GALNTL6: variants seen among roughly 807,000 people sequenced by gnomAD.
GALNTL6 encodes the protein polypeptide N-acetylgalactosaminyltransferase like 6.
GALNTL6 carries 46 observed loss-of-function variants against 73.7 expected under a neutral mutation model. The observed-to-expected ratio is 0.62, with a 90% confidence interval of 0.49 to 0.80. The LOEUF (loss-of-function observed/expected upper bound fraction) is 0.80. Among genes scored for constraint, GALNTL6 ranks in the 30% least tolerant of loss-of-function variants. GALNTL6 has a pLI of 0.00. For missense variants in GALNTL6, 604 were observed against 755.0 expected (o/e 0.80, Z 2.34); for synonymous variants, 259 against 263.7 (o/e 0.98, Z 0.17).
intron 5 of GALNTL6, among the ~76,000 whole-genome samples, chr4:172,590,596 A>G (rs1446247105): frequency 1.3e-5 from 2 of 152,198 alleles, no homozygotes; most frequent in African/African-American, 4.8e-5. Context: ...CAGAATGAAC[A>G]TAGTATAATT....
At chr4:172,917,424 T>A (rs1163467283) in intron 8 of GALNTL6, among the ~76,000 whole-genome samples, 1 of 152,170 alleles carries the variant, frequency 6.6e-6, no homozygotes, top group Non-Finnish European at 1.5e-5. Context: ...AAAGAGCTTC[T>A]GCACAGCAAA....
At chr4:171,963,429 G>C (rs1479239121) in intron 2 of GALNTL6, among the ~76,000 whole-genome samples, 1 of 151,782 alleles carries the variant, frequency 6.6e-6, no homozygotes, top group Non-Finnish European at 1.5e-5. Context: ...TATTTAAAGA[G>C]TGGAATTTGC....
chr4:172,576,484 A>G (rs1736960088), intron 5 of GALNTL6, among the ~76,000 whole-genome samples: 1 of 152,210 alleles, frequency 6.6e-6, no homozygotes, highest in South Asian at 2.1e-4. Flanking sequence ...ATGGTAATGA[A>G]TAGTACAGTG....
intron 3 of GALNTL6, among the ~76,000 whole-genome samples, chr4:172,298,283 A>G (rs1449283941): frequency 1.3e-5 from 2 of 152,162 alleles, no homozygotes; most frequent in African/African-American, 4.8e-5. Flanking sequence ...TAGATATACA[A>G]TCATGTCATC....
At chr4:172,206,585 A>T (rs947824266) in intron 2 of GALNTL6, among the ~76,000 whole-genome samples, 4 of 152,102 alleles carry the variant, frequency 2.6e-5, no homozygotes, top group Non-Finnish European at 5.9e-5. Context: ...GAGGGCACCT[A>T]CTTTGGAGAA....
At chr4:172,865,537 A>C (rs748183144) in intron 7 of GALNTL6, among the ~76,000 whole-genome samples, 2 of 152,248 alleles carry the variant, frequency 1.3e-5, no homozygotes, top group Non-Finnish European at 2.9e-5. Context: ...AGATAATATT[A>C]GACGTTTGAT....
intron 5 of GALNTL6, among the ~76,000 whole-genome samples, chr4:172,366,971 C>T (rs899528522): frequency 6.6e-6 from 1 of 152,134 alleles, no homozygotes; most frequent in Non-Finnish European, 1.5e-5. Flanking sequence ...GTGGTTTCCA[C>T]CAAGGAATTA....
intron 7 of GALNTL6, among the ~76,000 whole-genome samples, chr4:172,819,724 G>A (rs1741816172): frequency 6.6e-6 from 1 of 152,182 alleles, no homozygotes. Flanking sequence ...TTACAAATGA[G>A]ATGATTCAGG....
At chr4:172,745,303 A>G (rs1054700829) in intron 5 of GALNTL6, among the ~76,000 whole-genome samples, 2 of 151,936 alleles carry the variant, frequency 1.3e-5, no homozygotes, top group Non-Finnish European at 2.9e-5. Context: ...TGTGGGATAT[A>G]GAGAAATGAA....
intron 2 of GALNTL6, among the ~76,000 whole-genome samples, chr4:172,177,780 TACAC>T (rs1375969202): frequency 3.6e-5 from 5 of 137,944 alleles, no homozygotes; most frequent in South Asian, 2.2e-4. Context: ...TACACATATA[TACAC>T]ATGTGTATAT....
At chr4:172,734,582 C>T (rs960072218) in intron 5 of GALNTL6, among the ~76,000 whole-genome samples, 6 of 152,182 alleles carry the variant, frequency 3.9e-5, no homozygotes, top group African/African-American at 1.4e-4. Flanking sequence ...CACACTGCCG[C>T]AAGAGGTGGG....
intron 7 of GALNTL6, among the ~76,000 whole-genome samples, chr4:172,846,907 A>G (rs1003733864): frequency 2.6e-5 from 4 of 152,110 alleles, no homozygotes; most frequent in South Asian, 2.1e-4. Flanking sequence ...ATTCTGTCAT[A>G]CAATATATCA....
intron 5 of GALNTL6, among the ~76,000 whole-genome samples, chr4:172,521,312 T>C (rs1734766163): frequency 6.6e-6 from 1 of 152,092 alleles, no homozygotes; most frequent in Admixed American, 6.6e-5. Flanking sequence ...GACAGAAAAA[T>C]TCTTCTGACA....
chr4:172,095,709 T>C (rs1414125385), intron 2 of GALNTL6, among the ~76,000 whole-genome samples: 1 of 152,148 alleles, frequency 6.6e-6, no homozygotes, highest in Non-Finnish European at 1.5e-5. Flanking sequence ...CTCCGAATTT[T>C]AAAGGGCTTA....
chr4:172,102,077 A>G (rs9884573), intron 2 of GALNTL6, among the ~76,000 whole-genome samples: 61,662 of 152,032 alleles, frequency 0.41, 13,059 homozygotes, highest in African/African-American at 0.5. Context: ...ACTTTGGAAA[A>G]TATTAATGAA....
intron 5 of GALNTL6, among the ~76,000 whole-genome samples, chr4:172,792,351 G>T (rs985762697): frequency 6.6e-6 from 1 of 151,884 alleles, no homozygotes; most frequent in Non-Finnish European, 1.5e-5. Context: ...ATACACGTGT[G>T]TACTACATAT....
At position 172,809,607 on chromosome 4, in the gene GALNTL6, C is replaced by T; in HGVS notation, c.739+61C>T. The T allele has an allele frequency of 5.0e-6, 7 of 1,392,612 alleles. No individual in the cohort carries two copies. The highest frequency in any genetic ancestry group is 1.4e-5 in the South Asian group (1 of 71,184). The allele number at this position is 1,392,612 out of a possible 1,614,324, so 86.3% of individuals were successfully genotyped here. ...CTCAGGGGAACTGAGCGGTTTGCTT[C>T]TATTTAGTTTGCAATCAGCAAACAC... On this transcript the variant is annotated intron_variant, in intron 6 of 12. Transcript: ENST00000506823. The surrounding 1 kb of genome is among the most constrained non-coding windows in gnomAD (Gnocchi z 4.4).
At chr4:171,910,182 A>T (rs946085748) in intron 2 of GALNTL6, among the ~76,000 whole-genome samples, 1 of 151,906 alleles carries the variant, frequency 6.6e-6, no homozygotes, top group Non-Finnish European at 1.5e-5. Context: ...AACACTTTAA[A>T]AAACTGTTGT....
At chr4:172,903,830 A>G (rs1004380071) in intron 8 of GALNTL6, among the ~76,000 whole-genome samples, 1 of 152,014 alleles carries the variant, frequency 6.6e-6, no homozygotes, top group African/African-American at 2.4e-5. Flanking sequence ...TCTTGCCCAC[A>G]TCTATTTTTT....
Sources: gnomAD v4.1 joint callset for allele counts (sites outside exome capture counted in the v4.1 genomes callset) on GRCh38, gnomAD v4.1.1 for gene constraint, Gnocchi (gnomAD v3.1) non-coding constraint, MANE v1.5 for transcripts, NCBI Gene and HGNC (gene_info 2026-07-23, HGNC 2026-07-21) for gene names.